The following XRCC2 variants were observed in gnomAD, a reference collection of about 807,000 sequenced individuals.
The protein encoded by XRCC2 is DNA repair protein XRCC2.
A neutral mutation model predicts 27.3 loss-of-function variants in XRCC2; 24 were observed. That is an observed-to-expected ratio of 0.88 (90% CI 0.64 to 1.24). The LOEUF is 1.24. XRCC2 is among the 50% of genes most tolerant of loss of function. XRCC2 has a pLI of 0.00. For synonymous variants in XRCC2, 106 were observed against 115.4 expected, an observed-to-expected ratio of 0.92 and a Z score of 0.52; for missense variants, 321 against 325.8, an observed-to-expected ratio of 0.99 and a Z score of 0.11.
intron 2 of XRCC2, among the ~76,000 whole-genome samples, chr7:152,650,694 C>T (rs1001903414): frequency 2.0e-5 from 3 of 152,044 alleles, no homozygotes; most frequent in African/African-American, 7.2e-5. Flanking sequence ...AATTCAAGAC[C>T]AGCCTGGCCA....
In XRCC2 at chr7:152,660,758, T is replaced by G; in HGVS notation, c.64A>C (p.Ser22Arg). 6.2e-7 allele frequency: 1 copy of G among 1,613,398 alleles called. No homozygotes were observed. Among genetic ancestry groups the G allele is most frequent in the Non-Finnish European group, 8.5e-7 (1 of 1,179,820 alleles). Residue 22 changes from serine to arginine, a missense_variant, in exon 2 of 3, where the codon AGT becomes CGT. Physicochemically the swap from Ser to Arg is moderately radical, Grantham distance 110. Transcript: ENST00000359321. ...TELLARLEGR[S>R]SLKEIEPNLF... is the part of the protein sequence containing the mutation. ...TTTGGTTCTATTTCTTTCAAGGAACTTCTACCTTCAAGTCGGGCAAGGAGC... is the reference window on the plus strand; with the variant it reads ...TTTGGTTCTATTTCTTTCAAGGAACGTCTACCTTCAAGTCGGGCAAGGAGC...
At chr7:152,665,936 G>A (rs948781113) in intron 1 of XRCC2, among the ~76,000 whole-genome samples, 16 of 152,108 alleles carry the variant, frequency 1.1e-4, no homozygotes, top group African/African-American at 3.9e-4. Flanking sequence ...TCTCTGAGAG[G>A]ATGGATGTTC....
chr7:152,649,323 T>G lies in XRCC2; in HGVS notation c.162A>C (p.Lys54Asn), dbSNP rs1473933943. The G allele has an allele frequency of 6.2e-7, 1 of 1,609,670 alleles. No homozygotes were observed. Among genetic ancestry groups the G allele is most frequent in the Admixed American group, 1.7e-5 (1 of 59,346 alleles). The change falls in exon 3 of 3, where the codon AAA (lysine) becomes AAC (asparagine). Residue 54 changes from lysine (K) to asparagine (N), a missense_variant. By Grantham distance (94) the Lys-to-Asn change is moderately conservative. Coordinates refer to ENST00000359321, the MANE Select transcript of XRCC2 (RefSeq NM_005431.2). ...CTGTTAGGTGATAAAGCATTTCTGT[T>G]TTTCCTGTTCCTTCTGGGCCATGAA... ...LEFHGPEGTGKTEMLYHLTAR... is the reference protein window; with the variant it reads ...LEFHGPEGTGNTEMLYHLTAR...
chr7:152,655,960 G>C (rs1185601280), intron 2 of XRCC2, among the ~76,000 whole-genome samples: 2 of 152,138 alleles, frequency 1.3e-5, no homozygotes, highest in African/African-American at 4.8e-5. Context: ...CTGGGTGACA[G>C]AGTGAGACTC....
rs140694322 is a variant in XRCC2 at position 152,646,410 on chromosome 7, C to T, written c.*2232G>A. On this transcript the variant is annotated 3_prime_UTR_variant, in exon 3 of 3. Transcript: ENST00000359321. ...ACATGCAGTATCTGGTTTTCTGTTC[C>T]TATGTTAGTTTGCTAAGGATAATAG... 1 of 151,934 alleles carries T rather than the reference C, an allele frequency of 6.6e-6. No homozygotes were observed. The highest frequency in any genetic ancestry group is 1.9e-4 in the East Asian group (1 of 5,162). 9.4% of individuals were successfully genotyped at this position (151,934 alleles called of 1,614,324 possible). A position where few individuals can be genotyped will look rare whatever the true frequency, so the allele number is the denominator to read the frequency against.
chr7:152,675,892 G>T, intron 1 of XRCC2, 149 bp downstream of exon 1: 1 of 997,694 alleles, frequency 1.0e-6, no homozygotes. Context: ...GAGGGTGCCA[G>T]CATCGCGGGC....
chr7:152,657,066 G>A (rs1163536048), intron 2 of XRCC2, among the ~76,000 whole-genome samples: 2 of 151,634 alleles, frequency 1.3e-5, no homozygotes, highest in African/African-American at 2.4e-5. Context: ...GTGAAACCCC[G>A]TCTCTACTAA....
intron 1 of XRCC2, 117 bp downstream of exon 1, chr7:152,675,924 C>G: frequency 7.1e-7 from 1 of 1,398,688 alleles, no homozygotes; most frequent in African/African-American, 1.4e-5. Context: ...GAGGCCGGTC[C>G]CAGCCCGGCC....
At chr7:152,673,168 G>C (rs2098038836) in intron 1 of XRCC2, among the ~76,000 whole-genome samples, 1 of 152,022 alleles carries the variant, frequency 6.6e-6, no homozygotes, top group South Asian at 2.1e-4. Flanking sequence ...TTCATCCCTA[G>C]AATCTGCTAA....
At chr7:152,675,963 C>G in intron 1 of XRCC2, 78 bp downstream of exon 1, 3 of 1,596,118 alleles carry the variant, frequency 1.9e-6, no homozygotes, top group Non-Finnish European at 2.6e-6. Context: ...CCTCCCAATC[C>G]CCCGGGTTCC....
At chr7:152,670,531 A>C (rs3218408) in intron 1 of XRCC2, among the ~76,000 whole-genome samples, 25,327 of 152,158 alleles carry the variant, frequency 0.17, 2,491 homozygotes, top group South Asian at 0.23. Context: ...ACTACCATCA[A>C]GGTACAAACA....
intron 2 of XRCC2, 35 bp downstream of exon 2, chr7:152,660,666 T>C (rs1175482882): frequency 6.4e-7 from 1 of 1,553,496 alleles, no homozygotes; most frequent in African/African-American, 1.4e-5. Flanking sequence ...TTTATAAAGA[T>C]TTGCATTTAT....
chr7:152,654,197 CAAA>C (rs11411109), intron 2 of XRCC2, among the ~76,000 whole-genome samples: 13 of 92,162 alleles, frequency 1.4e-4, no homozygotes, highest in Admixed American at 2.8e-4. Context: ...AACTCCATCT[CAAA>C]AAAAAAAAAA....
rs1298643023 is a variant in XRCC2 at position 152,667,964 on chromosome 7, G to A, written c.40-7182C>T. 8.0e-5 allele frequency among the ~76,000 whole-genome samples: 12 copies of A among 149,382 alleles called. No individual in the cohort carries two copies. In the Admixed American group the frequency reaches 8.1e-4, roughly 10 times the overall value. ...AATCACTTGAACCCAGAAGGTGGAGGTTGCAGTGAGCCGAGATCACACCAC... is the reference window on the plus strand; with the variant it reads ...AATCACTTGAACCCAGAAGGTGGAGATTGCAGTGAGCCGAGATCACACCAC... On this transcript the variant is annotated intron_variant, in intron 1 of 2. Transcript: ENST00000359321.
At chr7:152,661,904 C>A (rs73728823) in intron 1 of XRCC2, among the ~76,000 whole-genome samples, 7,696 of 152,274 alleles carry the variant, frequency 0.051, 646 homozygotes, top group African/African-American at 0.18. Context: ...TAACAAACAG[C>A]ACCCTCCCTC....
Position 152,645,183 on chromosome 7 carries a change from T to C in XRCC2, c.*3459A>G, listed in dbSNP as rs1271475862. ...CTTTGTAATTTTCTCCAAAAAGGTC[T>C]TGCATATTTTTATTAGATTTATTTC... On this transcript the variant is annotated 3_prime_UTR_variant, in exon 3 of 3. Coordinates refer to ENST00000359321, the MANE Select transcript of XRCC2 (RefSeq NM_005431.2). 1 of 150,944 alleles carries C rather than the reference T, an allele frequency of 6.6e-6. No individual in the cohort carries two copies. The highest frequency in any genetic ancestry group is 1.5e-5 in the Non-Finnish European group (1 of 67,880). 9.4% of individuals were successfully genotyped at this position (150,944 alleles called of 1,614,324 possible).
chr7:152,670,098 T>C (rs1332111176), intron 1 of XRCC2, among the ~76,000 whole-genome samples: 4 of 152,172 alleles, frequency 2.6e-5, no homozygotes, highest in Admixed American at 6.5e-5. Flanking sequence ...CAGGTAAATA[T>C]AAATTGTGTA....
intron 2 of XRCC2, among the ~76,000 whole-genome samples, chr7:152,657,479 T>G (rs3218484): frequency 1.4e-4 from 22 of 151,904 alleles, no homozygotes; most frequent in Middle Eastern, 3.4e-3. Context: ...TTTGTAGAGA[T>G]GAGGTTTCAC....
chr7:152,649,817 C>T (rs1479345073), intron 2 of XRCC2, among the ~76,000 whole-genome samples: 1 of 152,178 alleles, frequency 6.6e-6, no homozygotes, highest in Admixed American at 6.6e-5. Context: ...CCAGGTAACA[C>T]AGCTGTCGCC....
Sources: allele counts gnomAD v4.1 joint callset (sites outside exome capture counted in the v4.1 genomes callset), GRCh38; gene constraint gnomAD v4.1.1; transcripts MANE v1.5; gene names NCBI Gene and HGNC (gene_info 2026-07-23, HGNC 2026-07-21).